The following GABRG3 variants were observed in gnomAD, a reference collection of about 807,000 sequenced individuals.
The protein encoded by GABRG3 is gamma-aminobutyric acid type A receptor subunit gamma3.
GABRG3 carries 25 observed loss-of-function variants against 48.8 expected under a neutral mutation model. That is an observed-to-expected ratio of 0.51 (90% CI 0.37 to 0.72). The LOEUF (loss-of-function observed/expected upper bound fraction) is 0.72, where lower values mean the gene tolerates loss of function less well. Ranked by LOEUF, GABRG3 falls within the 30% of genes least tolerant of loss-of-function variation. The pLI is 0.00. For missense variants in GABRG3, 394 were observed against 577.9 expected (o/e 0.68, Z 3.26); for synonymous variants, 227 against 217.6 (o/e 1.04, Z -0.38).
At chr15:27,321,519 G>A (rs987328406) in intron 3 of GABRG3, among the ~76,000 whole-genome samples, 2 of 152,094 alleles carry the variant, frequency 1.3e-5, no homozygotes, top group African/African-American at 2.4e-5. Context: ...AAATAAAAAT[G>A]GTTTTACTCT....
intron 5 of GABRG3, among the ~76,000 whole-genome samples, chr15:27,351,429 GTATGGTGTGTGTGTA>G (rs1014561270): frequency 2.0e-5 from 3 of 148,226 alleles, no homozygotes; most frequent in Non-Finnish European, 4.5e-5. Flanking sequence ...GTGTATGTGT[GTATGGTGTGTGTGTA>G]TATGGTGTGT....
chr15:27,530,765 T>C (rs745508577), intron 9 of GABRG3: 11 of 469,734 alleles, frequency 2.3e-5, no homozygotes, highest in South Asian at 4.7e-5. Context: ...AGACTTCTCC[T>C]CTGTGTCTCC....
intron 5 of GABRG3, among the ~76,000 whole-genome samples, chr15:27,337,137 A>G (rs1894002973): frequency 6.6e-6 from 1 of 152,180 alleles, no homozygotes; most frequent in South Asian, 2.1e-4. Flanking sequence ...TCTCTTTCAA[A>G]CTTGCAGACA....
chr15:27,068,757 CA>C (rs1482266413), intron 3 of GABRG3, among the ~76,000 whole-genome samples: 1 of 152,132 alleles, frequency 6.6e-6, no homozygotes, highest in Non-Finnish European at 1.5e-5. Flanking sequence ...AGTGCAGTTG[CA>C]AAGAGAAAGA....
rs1005960961 is a variant in GABRG3 at position 27,099,938 on chromosome 15, C to T, written c.270+73117C>T. Reference sequence around the variant, plus strand: ...CATTATTCTAAAAATCAGAATTGGCCGGGCACGGTGGCTCACGTCTGTAAT... The same window carrying T: ...CATTATTCTAAAAATCAGAATTGGCTGGGCACGGTGGCTCACGTCTGTAAT... On this transcript the variant is annotated intron_variant, in intron 3 of 9. Transcript: ENST00000615808. 7.9e-5 allele frequency among the ~76,000 whole-genome samples: 12 copies of T among 151,982 alleles called. No homozygotes were observed. The South Asian group carries it at 1.0e-3, about 13-fold the overall frequency.
At chr15:27,163,030 C>T (rs188131894) in intron 3 of GABRG3, among the ~76,000 whole-genome samples, 28 of 152,054 alleles carry the variant, frequency 1.8e-4, no homozygotes, top group Non-Finnish European at 3.5e-4. Context: ...CACTTTCACT[C>T]TACCTCTTCT....
chr15:27,514,247 TTAG>T (rs954332011), intron 6 of GABRG3, among the ~76,000 whole-genome samples: 6 of 152,220 alleles, frequency 3.9e-5, no homozygotes, highest in African/African-American at 1.4e-4. Flanking sequence ...TGCCACAAAC[TTAG>T]TAGTTTAAAA....
At chr15:27,409,460 C>T (rs1887735042) in intron 5 of GABRG3, among the ~76,000 whole-genome samples, 1 of 152,048 alleles carries the variant, frequency 6.6e-6, no homozygotes, top group South Asian at 2.1e-4. Context: ...TGTGTATGTA[C>T]CCTCCACCAA....
intron 5 of GABRG3, among the ~76,000 whole-genome samples, chr15:27,343,134 G>C (rs565898253): frequency 1.3e-5 from 2 of 152,130 alleles, no homozygotes; most frequent in African/African-American, 2.4e-5. Context: ...GCAGTGCCTC[G>C]GGCTCATCTG....
chr15:27,301,063 A>G (rs1892189077), intron 3 of GABRG3, among the ~76,000 whole-genome samples: 1 of 152,224 alleles, frequency 6.6e-6, no homozygotes, highest in Admixed American at 6.5e-5. Context: ...GAACTTTAAG[A>G]TGGATAAGTA....
At chr15:27,183,344 C>G (rs1887994320) in intron 3 of GABRG3, among the ~76,000 whole-genome samples, 1 of 152,130 alleles carries the variant, frequency 6.6e-6, no homozygotes, top group Non-Finnish European at 1.5e-5. Flanking sequence ...TGTTTAGCTC[C>G]TGGCCATGAG....
chr15:27,411,608 A>G (rs2140599589), intron 5 of GABRG3, among the ~76,000 whole-genome samples: 2 of 152,286 alleles, frequency 1.3e-5, no homozygotes, highest in Admixed American at 1.3e-4. Context: ...TGTTACCAGT[A>G]TTCTTACTGC....
At chr15:27,086,259 A>G (rs1316019188) in intron 3 of GABRG3, among the ~76,000 whole-genome samples, 1 of 152,172 alleles carries the variant, frequency 6.6e-6, no homozygotes, top group Admixed American at 6.6e-5. Flanking sequence ...CACTGGTGGA[A>G]GAAAGAACCC....
At chr15:27,403,924 A>C (rs533368113) in intron 5 of GABRG3, among the ~76,000 whole-genome samples, 8,031 of 133,088 alleles carry the variant, frequency 0.06, 326 homozygotes, top group South Asian at 0.19. Context: ...CAAAAAAAAA[A>C]AAAACAAAAA....
At chr15:27,149,940 G>A (rs1483789740) in intron 3 of GABRG3, among the ~76,000 whole-genome samples, 3 of 152,174 alleles carry the variant, frequency 2.0e-5, no homozygotes, top group Non-Finnish European at 2.9e-5. Flanking sequence ...ATAATACTAA[G>A]CAGACATTTA....
chr15:27,077,293 G>A (rs1056396459), intron 3 of GABRG3, among the ~76,000 whole-genome samples: 1 of 152,162 alleles, frequency 6.6e-6, no homozygotes, highest in Non-Finnish European at 1.5e-5. Flanking sequence ...GTGCTTGCCT[G>A]TCTCTGTTTC....
chr15:27,124,155 C>A (rs1257532148), intron 3 of GABRG3, among the ~76,000 whole-genome samples: 1 of 152,132 alleles, frequency 6.6e-6, no homozygotes, highest in South Asian at 2.1e-4. Context: ...AGCCTGGGGA[C>A]AAATTGCAAT....
At chr15:27,114,416 A>G (rs4410042) in intron 3 of GABRG3, among the ~76,000 whole-genome samples, 41,635 of 152,004 alleles carry the variant, frequency 0.27, 6,897 homozygotes, top group African/African-American at 0.46. Context: ...AACTTCATCA[A>G]TCTTATAGCT....
At chr15:27,324,390 G>C (rs189328054) in intron 3 of GABRG3, among the ~76,000 whole-genome samples, 2 of 152,162 alleles carry the variant, frequency 1.3e-5, no homozygotes, top group African/African-American at 4.8e-5. Flanking sequence ...GATCCTGATG[G>C]GCTGGGTTCC....
Sources: allele counts gnomAD v4.1 joint callset (sites outside exome capture counted in the v4.1 genomes callset), GRCh38; gene constraint gnomAD v4.1.1; transcripts MANE v1.5; gene names NCBI Gene and HGNC (gene_info 2026-07-23, HGNC 2026-07-21).